Variants in BCO1 observed in about 807,000 individuals in gnomAD.
BCO1 encodes the protein beta-carotene oxygenase 1.
A neutral mutation model predicts 56.3 loss-of-function variants in BCO1; 54 were observed. That is an observed-to-expected ratio of 0.96 (90% confidence interval 0.77 to 1.20). The LOEUF (loss-of-function observed/expected upper bound fraction) is 1.20. Among genes scored for constraint, BCO1 ranks in the 50% most tolerant of loss-of-function variants. The probability of loss-of-function intolerance (pLI) is 0.00; values close to 1 mark genes in which losing one functional copy is unlikely to be tolerated. For synonymous variants in BCO1, 318 were observed against 266.1 expected (o/e 1.20, Z -1.90); for missense variants, 801 against 690.9 (o/e 1.16, Z -1.79).
Position 81,280,890 on chromosome 16 carries a change from G to T in BCO1, c.1135G>T (p.Ala379Ser), listed in dbSNP as rs751311880. The T allele has an allele frequency of 5.0e-6, 8 of 1,613,902 alleles. No homozygotes were observed. Among genetic ancestry groups the T allele is most frequent in the African/African-American group, 1.3e-5 (1 of 74,894 alleles). The change falls in exon 8 of 11, where the codon GCA (alanine) becomes TCA (serine). Residue 379 changes from alanine (A) to serine (S), a missense_variant. Ala to Ser is a moderately conservative substitution (Grantham distance 99). Transcript: ENST00000258168. Reference protein sequence around the residue: ...AEVGTNLIKVASTTATALKEE... With the variant: ...AEVGTNLIKVSSTTATALKEE... ...AGTGGGCACAAATTTAATCAAAGTG[G>T]CATCTACAACAGCCACGGCCCTGAA... is the stretch of plus-strand genomic sequence containing the variant.
chr16:81,248,258 C>G (rs1369803854), intron 2 of BCO1, among the ~76,000 whole-genome samples: 1 of 151,836 alleles, frequency 6.6e-6, no homozygotes, highest in Non-Finnish European at 1.5e-5. Context: ...AAAAAATTAG[C>G]TGAGCGTTGT....
chr16:81,280,070 C>T (rs1342862776), intron 7 of BCO1, among the ~76,000 whole-genome samples: 1 of 151,832 alleles, frequency 6.6e-6, no homozygotes, highest in Non-Finnish European at 1.5e-5. Flanking sequence ...CAAGACCACC[C>T]TGGCCAACAT....
chr16:81,264,771 C>T lies in BCO1; in HGVS notation c.603C>T (p.Ile201=), dbSNP rs770733875. The T allele has an allele frequency of 1.9e-6, 3 of 1,614,112 alleles. No homozygotes were observed. The highest frequency in any genetic ancestry group is 3.3e-5 in the Admixed American group (2 of 60,004). The change falls in exon 5 of 11, where the codon ATC becomes ATT. Residue 201 remains isoleucine (I), a synonymous_variant. Coordinates refer to ENST00000258168, the MANE Select transcript of BCO1 (RefSeq NM_017429.3). The stretch of plus-strand genomic sequence containing the variant: ...AGACAAAGTATGTGATTTTTAAGAT[C>T]CCTGCCACAGTACCAGGTAGGCCAC... ...KGKTKYVIFK[I]PATVPEGKKQ...
chr16:81,285,547 G>T lies in BCO1; in HGVS notation c.1215G>T (p.Glu405Asp). Residue 405 changes from glutamate to aspartate, a missense_variant, in exon 9 of 11, where the codon GAG becomes GAT. By Grantham distance (45) the Glu-to-Asp change is conservative. Transcript: ENST00000258168. ...CTCCTCATTTCCTTGTAGGCTTAGA[G>T]CTTCCACGGGTCAATTATGCTCACA... ...CQPEFLYEGL[E>D]LPRVNYAHNG... The T allele has an allele frequency of 6.2e-7, 1 of 1,612,604 alleles. No homozygotes were observed. The highest frequency in any genetic ancestry group is 8.5e-7 in the Non-Finnish European group (1 of 1,178,610).
chr16:81,283,383 A>G (rs1284024417), intron 8 of BCO1, among the ~76,000 whole-genome samples: 1 of 151,902 alleles, frequency 6.6e-6, no homozygotes, highest in Non-Finnish European at 1.5e-5. Context: ...TGAGGTCAAG[A>G]GTTTGAGACC....
At chr16:81,244,186 C>G (rs111510367) in intron 1 of BCO1, among the ~76,000 whole-genome samples, 13 of 152,344 alleles carry the variant, frequency 8.5e-5, no homozygotes, top group African/African-American at 2.9e-4. Context: ...AAGGGACGAA[C>G]GCTGAGAGGA....
At position 81,270,323 on chromosome 16, in the gene BCO1, C is replaced by T; in HGVS notation, c.1008C>T (p.Tyr336=). 1 of 1,614,110 alleles carries T rather than the reference C, an allele frequency of 6.2e-7. No homozygotes were observed. Among genetic ancestry groups the T allele is most frequent in the Non-Finnish European group, 8.5e-7 (1 of 1,180,028 alleles). Residue 336 remains tyrosine (Y), a synonymous_variant, in exon 7 of 11, where the codon TAC becomes TAT. Transcript: ENST00000258168. The stretch of plus-strand genomic sequence containing the variant: ...ACAACAGCCTCTACCAGCTCTTCTA[C>T]CTGGCCAACCTGAACCAGGACTTCA... ...YEDNSLYQLF[Y]LANLNQDFKE...
chr16:81,248,149 C>G (rs1352417970), intron 2 of BCO1, among the ~76,000 whole-genome samples: 3 of 152,112 alleles, frequency 2.0e-5, no homozygotes, highest in African/African-American at 7.2e-5. Context: ...CACCTGTATT[C>G]CCAGCACTTT....
At chr16:81,274,511 G>A (rs1257612239) in intron 7 of BCO1, among the ~76,000 whole-genome samples, 2 of 152,054 alleles carry the variant, frequency 1.3e-5, no homozygotes, top group African/African-American at 4.8e-5. Flanking sequence ...TGATCCGCCT[G>A]CCTCAGCCTT....
chr16:81,267,622 G>A (rs568665712), intron 5 of BCO1, among the ~76,000 whole-genome samples: 3 of 152,052 alleles, frequency 2.0e-5, no homozygotes, highest in Non-Finnish European at 2.9e-5. Flanking sequence ...CAGACAAACC[G>A]GTGGAGGCAG....
At chr16:81,275,408 G>A (rs562071960) in intron 7 of BCO1, among the ~76,000 whole-genome samples, 12 of 152,372 alleles carry the variant, frequency 7.9e-5, no homozygotes, top group Admixed American at 2.6e-4. Context: ...CAGTGCAGCC[G>A]TGGCAGAGAA....
rs57961725 is a variant in BCO1 at position 81,254,295 on chromosome 16, ATTTTTTT to A, written c.194-5360_194-5354del. Among the ~76,000 whole-genome samples, 400 of 78,276 alleles carry A rather than the reference ATTTTTTT, an allele frequency of 5.1e-3. 2 individuals carry two copies. Among genetic ancestry groups the A allele is most frequent in the Non-Finnish European group, 6.9e-3 (296 of 42,980 alleles). The allele number at this position is 78,276 out of a possible 152,430, so 51.4% of individuals were successfully genotyped here. On this transcript the variant is annotated intron_variant, in intron 2 of 10. Coordinates refer to ENST00000258168, the MANE Select transcript of BCO1 (RefSeq NM_017429.3). The stretch of plus-strand genomic sequence containing the variant: ...GGGTGCGTGCCACCACGCCCGGCTA[ATTTTTTT>A]TTTTTTTTTTTTTTTTTTTTGTATT...
At chr16:81,290,251 C>A in intron 10 of BCO1, 97 bp from the exon 11 acceptor site, 1 of 1,024,222 alleles carries the variant, frequency 9.8e-7, no homozygotes, top group Non-Finnish European at 1.5e-6. Context: ...TGGTTAGATA[C>A]ATATGTTTAA....
chr16:81,285,647 G>T lies in BCO1; in HGVS notation c.1302+13G>T. 6.4e-7 allele frequency: 1 copy of T among 1,559,570 alleles called. No homozygotes were observed. On this transcript the variant is annotated intron_variant, in intron 9 of 10. Transcript: ENST00000258168. ...AATCCCAACCAAGGTACTGGTCTCT[G>T]TGTATTCACAAGCCTTTCCTACAGT...
Position 81,280,960 on chromosome 16 carries a change from A to G in BCO1, c.1205A>G (p.Glu402Gly). ...QVYCQPEFLY[E>G]GLELPRVNYA... ...TACTGCCAGCCGGAATTTCTTTATG[A>G]AGGTAAAATGCATCCTCTTGTCCTG... is the stretch of plus-strand genomic sequence containing the variant. The change falls in exon 8 of 11, where the codon GAA (glutamate) becomes GGA (glycine). Residue 402 changes from glutamate to glycine, a missense_variant and splice_region_variant. Glu to Gly is a moderately conservative substitution (Grantham distance 98). Transcript: ENST00000258168. The G allele has an allele frequency of 6.2e-7, 1 of 1,609,700 alleles. No homozygotes were observed. The highest frequency in any genetic ancestry group is 1.1e-5 in the South Asian group (1 of 90,942).
intron 7 of BCO1, among the ~76,000 whole-genome samples, chr16:81,271,558 C>T (rs569195816): frequency 6.6e-6 from 1 of 152,330 alleles, no homozygotes; most frequent in South Asian, 2.1e-4. Context: ...TCTTCCCCTC[C>T]CTGCCCCAGG....
At chr16:81,259,585 T>G in intron 2 of BCO1, 91 bp from the exon 3 acceptor site, 1 of 1,545,234 alleles carries the variant, frequency 6.5e-7, no homozygotes, top group Non-Finnish European at 8.9e-7. Flanking sequence ...AACCACCTTC[T>G]TCTCCCAGTA....
At chr16:81,275,279 C>G (rs1907484604) in intron 7 of BCO1, among the ~76,000 whole-genome samples, 1 of 152,222 alleles carries the variant, frequency 6.6e-6, no homozygotes, top group Admixed American at 6.5e-5. Flanking sequence ...CTCCCCCTGG[C>G]TGGCTGCACA....
chr16:81,249,046 G>A (rs1278403247), intron 2 of BCO1, among the ~76,000 whole-genome samples: 1 of 151,634 alleles, frequency 6.6e-6, no homozygotes, highest in East Asian at 1.9e-4. Context: ...CCTTCCATGA[G>A]GCCTTGCTTC....
Sources: allele counts gnomAD v4.1 joint callset (sites outside exome capture counted in the v4.1 genomes callset), GRCh38; gene constraint gnomAD v4.1.1; transcripts MANE v1.5; gene names NCBI Gene and HGNC (gene_info 2026-07-23, HGNC 2026-07-21).